Variants in CNTLN observed in about 807,000 individuals in gnomAD.
CNTLN encodes the protein centlein, centrosomal protein.
A neutral mutation model predicts 180.0 loss-of-function variants in CNTLN; 212 were observed. The ratio of observed to expected loss-of-function variants is 1.18; its 90% CI spans 1.05 to 1.32. The LOEUF is 1.32. Ranked by LOEUF, CNTLN falls within the 40% of genes most tolerant of loss-of-function variation. The pLI is 0.00. For missense variants in CNTLN, 2,095 were observed against 1,610.9 expected (o/e 1.30, Z -5.14); for synonymous variants, 722 against 563.1 (o/e 1.28, Z -3.99).
intron 14 of CNTLN, among the ~76,000 whole-genome samples, chr9:17,390,190 A>G (rs1208226535): frequency 6.7e-6 from 1 of 149,058 alleles, no homozygotes; most frequent in Non-Finnish European, 1.5e-5. Flanking sequence ...CACATTTCAT[A>G]GCTTCATAAT....
intron 12 of CNTLN, among the ~76,000 whole-genome samples, chr9:17,366,298 A>ATTGTTG (rs10648042): frequency 1.3e-5 from 2 of 149,166 alleles, no homozygotes; most frequent in South Asian, 2.1e-4. Context: ...GCTAGTTGTT[A>ATTGTTG]TTGTTGTTGT....
Position 17,409,389 on chromosome 9 carries a change from A to G in CNTLN, c.2712A>G (p.Lys904=). The G allele has an allele frequency of 6.2e-7, 1 of 1,613,592 alleles. No individual in the cohort carries two copies. Among genetic ancestry groups the G allele is most frequent in the Non-Finnish European group, 8.5e-7 (1 of 1,179,678 alleles). The change falls in exon 16 of 26, where the codon AAA becomes AAG. Residue 904 remains lysine, a synonymous_variant. Coordinates refer to ENST00000380647, the MANE Select transcript of CNTLN (RefSeq NM_017738.4). The part of the protein sequence containing the change: ...ISPTEDGKDQ[K]ESDPTEDSQT... ...CTACGGAAGATGGAAAAGACCAGAA[A>G]GAAAGTGATCCAACAGAAGACAGCC...
Position 17,218,389 on chromosome 9 carries a change from C to G in CNTLN, c.450-7814C>G, listed in dbSNP as rs1823906830. Among the ~76,000 whole-genome samples, 3 of 151,904 alleles carry G rather than the reference C, an allele frequency of 2.0e-5. No homozygotes were observed. The South Asian group carries it at 6.2e-4, about 32-fold the overall frequency. Reference sequence around the variant, plus strand: ...TACTGTGGAGTAAAATGTGTTTGTACAATATTTTTGCAACCTCTTTTTCAA... The same window carrying G: ...TACTGTGGAGTAAAATGTGTTTGTAGAATATTTTTGCAACCTCTTTTTCAA... On this transcript the variant is annotated intron_variant, in intron 2 of 25. Coordinates refer to ENST00000380647, the MANE Select transcript of CNTLN (RefSeq NM_017738.4).
intron 15 of CNTLN, among the ~76,000 whole-genome samples, chr9:17,401,103 A>G (rs1587892600): frequency 6.6e-6 from 1 of 152,180 alleles, no homozygotes; most frequent in South Asian, 2.1e-4. Context: ...GAAAATAGCA[A>G]TCTTGCTTTA....
chr9:17,437,698 G>A (rs151301312), intron 18 of CNTLN, among the ~76,000 whole-genome samples: 1,550 of 152,190 alleles, frequency 0.01, 15 homozygotes, highest in Non-Finnish European at 0.012. Context: ...CATGTAAAGC[G>A]CTATAATAAT....
chr9:17,473,133 G>A (rs1832121565), intron 23 of CNTLN, among the ~76,000 whole-genome samples: 1 of 152,100 alleles, frequency 6.6e-6, no homozygotes, highest in Non-Finnish European at 1.5e-5. Flanking sequence ...ACATAACCAT[G>A]CTGATTCATC....
At chr9:17,144,709 AGTCTTTT>A (rs1211309594) in intron 2 of CNTLN, among the ~76,000 whole-genome samples, 2 of 151,686 alleles carry the variant, frequency 1.3e-5, no homozygotes, top group African/African-American at 4.8e-5. Flanking sequence ...GGTGTTCAAA[AGTCTTTT>A]GTTGATAAGG....
chr9:17,506,625 C>G (rs998465174), downstream of CNTLN, among the ~76,000 whole-genome samples: 1 of 152,054 alleles, frequency 6.6e-6, no homozygotes, highest in Non-Finnish European at 1.5e-5. Flanking sequence ...GGATTCTTCC[C>G]AGTAGCAAAA....
intron 15 of CNTLN, among the ~76,000 whole-genome samples, chr9:17,403,677 G>C (rs1045032145): frequency 2.0e-5 from 3 of 151,534 alleles, no homozygotes; most frequent in Non-Finnish European, 4.4e-5. Context: ...CTGCCTCCTT[G>C]GATGCACTTG....
intron 5 of CNTLN, among the ~76,000 whole-genome samples, chr9:17,246,246 T>C (rs553627634): frequency 2.0e-5 from 3 of 152,292 alleles, no homozygotes; most frequent in African/African-American, 7.2e-5. Context: ...ATTGTAGCCT[T>C]ATCTGCATTA....
chr9:17,428,912 T>A (rs557881494), intron 18 of CNTLN, among the ~76,000 whole-genome samples: 24 of 152,010 alleles, frequency 1.6e-4, no homozygotes, highest in Non-Finnish European at 3.1e-4. Flanking sequence ...TGTTATTTAC[T>A]TTTTAAAAAA....
chr9:17,236,738 G>C (rs1825167625), intron 5 of CNTLN, 150 bp downstream of exon 5: 1 of 537,306 alleles, frequency 1.9e-6, no homozygotes, highest in Non-Finnish European at 3.0e-6. Context: ...AAGACCCATA[G>C]CTTTTTAAAA....
chr9:17,366,162 T>C (rs1823799623), intron 12 of CNTLN, among the ~76,000 whole-genome samples: 2 of 152,138 alleles, frequency 1.3e-5, no homozygotes, highest in Admixed American at 6.5e-5. Context: ...GGCCTAATCT[T>C]TTGCCCAGGC....
At chr9:17,303,405 A>G (rs1455221599) in intron 7 of CNTLN, among the ~76,000 whole-genome samples, 1 of 152,186 alleles carries the variant, frequency 6.6e-6, no homozygotes, top group Non-Finnish European at 1.5e-5. Context: ...TGACCAGAGT[A>G]TAGCAGTTAC....
chr9:17,414,038 G>C (rs191086341), intron 16 of CNTLN, among the ~76,000 whole-genome samples: 1 of 152,310 alleles, frequency 6.6e-6, no homozygotes, highest in East Asian at 1.9e-4. Context: ...ATAAAAAGGA[G>C]CTAACTATTG....
chr9:17,296,420 G>A (rs79178015), intron 6 of CNTLN, among the ~76,000 whole-genome samples: 1,740 of 152,134 alleles, frequency 0.011, 33 homozygotes, highest in African/African-American at 0.04. Flanking sequence ...AATACCAAAT[G>A]TCTTCTAACA....
chr9:17,156,875 C>G (rs1819330598), intron 2 of CNTLN, among the ~76,000 whole-genome samples: 1 of 152,104 alleles, frequency 6.6e-6, no homozygotes. Flanking sequence ...ATTAGCTAGC[C>G]TATGGACTTA....
At position 17,282,249 on chromosome 9, in the gene CNTLN, C is replaced by A. The variant is rs189352782; in HGVS notation, c.983+8383C>A. Among the ~76,000 whole-genome samples, 158 of 152,160 alleles carry A rather than the reference C, an allele frequency of 1.0e-3. 1 individual carries two copies. Among genetic ancestry groups the A allele is most frequent in the Non-Finnish European group, 1.3e-3 (85 of 67,990 alleles). On this transcript the variant is annotated intron_variant, in intron 6 of 25. Coordinates refer to ENST00000380647, the MANE Select transcript of CNTLN (RefSeq NM_017738.4). ...GTGCTGGGATTACAGAGTGAGACAC[C>A]GTGCCTGGCTGACTTCTTAATAATA...
chr9:17,345,048 A>T (rs1199036941), intron 12 of CNTLN, among the ~76,000 whole-genome samples: 1 of 152,278 alleles, frequency 6.6e-6, no homozygotes, highest in Non-Finnish European at 1.5e-5. Context: ...GGGTTGGTTA[A>T]TCTAATATGT....
Sources: gnomAD v4.1 joint callset for allele counts (sites outside exome capture counted in the v4.1 genomes callset) on GRCh38, gnomAD v4.1.1 for gene constraint, MANE v1.5 for transcripts, NCBI Gene and HGNC (gene_info 2026-07-23, HGNC 2026-07-21) for gene names.